Variants in HM13 observed in about 807,000 individuals in gnomAD.
HM13 encodes the protein signal peptide peptidase.
Under a neutral mutation model 50.0 loss-of-function variants are expected in HM13, and 18 were observed. The ratio of observed to expected loss-of-function variants is 0.36; its 90% CI spans 0.25 to 0.53. The LOEUF (loss-of-function observed/expected upper bound fraction) is 0.53. Among genes scored for constraint, HM13 ranks in the 20% least tolerant of loss-of-function variants. The pLI is 0.90. For missense variants in HM13, 393 were observed against 552.4 expected, an observed-to-expected ratio of 0.71 and a Z score of 2.89; for synonymous variants, 197 against 232.6, an observed-to-expected ratio of 0.85 and a Z score of 1.39.
intron 4 of HM13, among the ~76,000 whole-genome samples, chr20:31,546,878 C>T (rs1027896033): frequency 4.0e-5 from 6 of 151,648 alleles, no homozygotes; most frequent in Admixed American, 2.0e-4. Flanking sequence ...CAGTAAGCCA[C>T]GGTCAGTGCA....
chr20:31,524,475 G>A (rs1982364104), intron 1 of HM13, among the ~76,000 whole-genome samples: 1 of 152,198 alleles, frequency 6.6e-6, no homozygotes, highest in Non-Finnish European at 1.5e-5. Context: ...AATTTTTTGT[G>A]TATTGCCTAG....
chr20:31,518,977 C>T (rs190492064), intron 1 of HM13, among the ~76,000 whole-genome samples: 135 of 152,134 alleles, frequency 8.9e-4, no homozygotes, highest in Non-Finnish European at 2.4e-4. Flanking sequence ...TGAAAGTCTC[C>T]CTGCTACCCC....
intron 2 of HM13, among the ~76,000 whole-genome samples, chr20:31,530,592 G>T (rs1020497881): frequency 6.6e-6 from 1 of 152,058 alleles, no homozygotes; most frequent in Admixed American, 6.6e-5. Context: ...TGTAATTTTA[G>T]TAGAGATGGG....
chr20:31,515,635 G>A (rs1401369491), intron 1 of HM13, among the ~76,000 whole-genome samples: 1 of 152,056 alleles, frequency 6.6e-6, no homozygotes, highest in Admixed American at 6.6e-5. Flanking sequence ...GTGAGACTGG[G>A]CCAGACTCCA....
intron 3 of HM13, among the ~76,000 whole-genome samples, chr20:31,543,681 C>T (rs1983568074): frequency 1.3e-5 from 2 of 151,842 alleles, no homozygotes; most frequent in African/African-American, 2.4e-5. Context: ...CCTGTAATCC[C>T]AGCATTTTGG....
intron 10 of HM13, among the ~76,000 whole-genome samples, chr20:31,561,991 GCAGGAAC>G (rs1220006002): frequency 2.0e-5 from 3 of 152,342 alleles, no homozygotes; most frequent in Admixed American, 2.0e-4. Flanking sequence ...CATCAGGAAG[GCAGGAAC>G]TTTCCCAGAA....
chr20:31,538,864 G>A (rs1983271351), intron 3 of HM13: 1 of 203,632 alleles, frequency 4.9e-6, no homozygotes, highest in Non-Finnish European at 8.7e-6. Context: ...GTGATTTAAA[G>A]TGTTCAGTAA....
chr20:31,549,419 C>T, intron 6 of HM13, 87 bp downstream of exon 6: 1 of 1,566,820 alleles, frequency 6.4e-7, no homozygotes, highest in Non-Finnish European at 8.7e-7. Flanking sequence ...TTGCAGTCAT[C>T]TGACGGAGAA....
intron 8 of HM13, among the ~76,000 whole-genome samples, chr20:31,557,960 G>A (rs1337688936): frequency 6.6e-6 from 1 of 151,882 alleles, no homozygotes; most frequent in Admixed American, 6.6e-5. Flanking sequence ...CGCCTGCCTC[G>A]GCCTCCCAAA....
chr20:31,532,253 C>T (rs998033815), intron 2 of HM13, among the ~76,000 whole-genome samples: 4 of 152,052 alleles, frequency 2.6e-5, no homozygotes, highest in African/African-American at 9.7e-5. Context: ...GGTGAAACCC[C>T]GTCTCTACTG....
chr20:31,537,417 C>T (rs571311787), intron 2 of HM13, among the ~76,000 whole-genome samples: 1 of 152,354 alleles, frequency 6.6e-6, no homozygotes, highest in East Asian at 1.9e-4. Context: ...GATTCCAAAA[C>T]AGCCCTGCTT....
At chr20:31,567,120 A>G (rs1302146454) in intron 11 of HM13, among the ~76,000 whole-genome samples, 2 of 151,970 alleles carry the variant, frequency 1.3e-5, no homozygotes, top group Non-Finnish European at 2.9e-5. Context: ...TGTCCTGTCT[A>G]GAATCCCCAG....
intron 1 of HM13, among the ~76,000 whole-genome samples, chr20:31,525,774 AAAAGAAAAG>A (rs1187481559): frequency 2.7e-5 from 4 of 150,578 alleles, no homozygotes; most frequent in Non-Finnish European, 6.0e-5. Flanking sequence ...AAAAAAGAAA[AAAAGAAAAG>A]AAAGAAAAGA....
At chr20:31,524,607 A>G (rs1380614672) in intron 1 of HM13, among the ~76,000 whole-genome samples, 3 of 152,114 alleles carry the variant, frequency 2.0e-5, no homozygotes, top group Admixed American at 6.6e-5. Flanking sequence ...CCGATAGACA[A>G]AAAACAGAAT....
In HM13 at chr20:31,568,099, C is replaced by A. The variant is rs1985031808; in HGVS notation, c.1056C>A (p.Ile352=). The A allele has an allele frequency of 1.2e-6, 2 of 1,611,818 alleles. No individual in the cohort carries two copies. Among genetic ancestry groups the A allele is most frequent in the Admixed American group, 1.7e-5 (1 of 59,818 alleles). The change falls in exon 12 of 13, where the codon ATC becomes ATA. Residue 352 remains isoleucine, a synonymous_variant. Transcript: ENST00000398174. The part of the protein sequence containing the change: ...EMFSYESSAE[I]LPHTPRLTHF... The stretch of plus-strand genomic sequence containing the variant: ...ACAGCTACGAGTCCTCGGCGGAAAT[C>A]CTGCCTCATACCCCGAGGCTCACCC...
chr20:31,548,879 T>G, intron 4 of HM13, 150 bp from the exon 5 acceptor site: 2 of 721,726 alleles, frequency 2.8e-6, no homozygotes, highest in South Asian at 3.1e-5. Context: ...CTTCTGAAAC[T>G]CATACTAATC....
intron 4 of HM13, 125 bp from the exon 5 acceptor site, chr20:31,548,904 C>T (rs746510805): frequency 1.6e-5 from 14 of 857,388 alleles, no homozygotes; most frequent in Non-Finnish European, 2.6e-5. Flanking sequence ...GCAGCCAAGG[C>T]TTAGCCCCGC....
chr20:31,569,251 AC>A lies in HM13; in HGVS notation c.*34del. On this transcript the variant is annotated 3_prime_UTR_variant, in exon 13 of 13. Transcript: ENST00000398174. ...TGGTGCCCGAGCCTCTCAGGGCCAG[AC>A]CAGACAGATGGGGGCTGGGCCCACA... The A allele has an allele frequency of 7.0e-7, 1 of 1,437,686 alleles. No homozygotes were observed. Among genetic ancestry groups the A allele is most frequent in the Non-Finnish European group, 9.6e-7 (1 of 1,041,720 alleles). 89.1% of individuals were successfully genotyped at this position (1,437,686 alleles called of 1,614,324 possible).
intron 2 of HM13, among the ~76,000 whole-genome samples, 182 bp from the exon 3 acceptor site, chr20:31,537,997 T>G (rs1408307367): frequency 1.3e-5 from 2 of 152,164 alleles, no homozygotes; most frequent in African/African-American, 4.8e-5. Context: ...GGCTTGAGGT[T>G]TCTCACCTTT....
Sources: allele counts gnomAD v4.1 joint callset (sites outside exome capture counted in the v4.1 genomes callset), GRCh38; gene constraint gnomAD v4.1.1; transcripts MANE v1.5; gene names NCBI Gene and HGNC (gene_info 2026-07-23, HGNC 2026-07-21).